Variants in KCNMA1 observed in about 807,000 individuals in gnomAD.
KCNMA1 encodes the protein potassium calcium-activated channel subfamily M alpha 1.
A neutral mutation model predicts 140.0 loss-of-function variants in KCNMA1; 29 were observed. The ratio of observed to expected loss-of-function variants is 0.21; its 90% confidence interval spans 0.15 to 0.28. The LOEUF is 0.28. Among genes scored for constraint, KCNMA1 ranks in the 10% least tolerant of loss-of-function variants. The pLI is 1.00. For synonymous variants in KCNMA1, 612 were observed against 611.9 expected, an observed-to-expected ratio of 1.00 and a Z score of 0.00; for missense variants, 880 against 1,602.2, an observed-to-expected ratio of 0.55 and a Z score of 7.70.
intron 1 of KCNMA1, among the ~76,000 whole-genome samples, chr10:77,574,016 A>G (rs2154561559): frequency 6.6e-6 from 1 of 151,892 alleles, no homozygotes; most frequent in East Asian, 1.9e-4. Flanking sequence ...TTGTATTTTT[A>G]GTAGAGACAG....
chr10:77,155,554 A>G (rs928436011), intron 5 of KCNMA1, among the ~76,000 whole-genome samples: 2 of 152,096 alleles, frequency 1.3e-5, no homozygotes, highest in Non-Finnish European at 2.9e-5. Context: ...GCCTCCCTGG[A>G]AGCACGCTCA....
In KCNMA1 at chr10:76,885,960, C is replaced by T. The variant is rs200114430; in HGVS notation, c.*1306G>A. On this transcript the variant is annotated 3_prime_UTR_variant, in exon 28 of 28. Coordinates refer to ENST00000286628, the MANE Select transcript of KCNMA1 (RefSeq NM_001161352.2). ...GCAGCTCTCTATTGCCGTCATTACC[C>T]TGCCTAAATTGGCTACATTAAAGAA... 2 of 985,324 alleles carry T rather than the reference C, an allele frequency of 2.0e-6. No individual in the cohort carries two copies. Among genetic ancestry groups the T allele is most frequent in the Non-Finnish European group, 2.4e-6 (2 of 829,944 alleles). 61.0% of individuals were successfully genotyped at this position (985,324 alleles called of 1,614,324 possible).
chr10:77,636,173 A>G (rs2093701022), intron 1 of KCNMA1: 2 of 1,415,228 alleles, frequency 1.4e-6, no homozygotes, highest in Admixed American at 5.8e-5. Context: ...GGAATTACTC[A>G]GAAAGAAGGC....
downstream of KCNMA1, among the ~76,000 whole-genome samples, chr10:76,882,587 C>T (rs374152323): frequency 7.9e-5 from 12 of 152,264 alleles, no homozygotes; most frequent in Admixed American, 3.3e-4. Context: ...AAGCAATTAC[C>T]GTTTATGAAA....
chr10:77,505,323 C>T lies in KCNMA1; in HGVS notation c.379-101300G>A, dbSNP rs138255103. Among the ~76,000 whole-genome samples the T allele has an allele frequency of 3.4e-3, 525 of 152,342 alleles. 4 individuals carry two copies. The highest frequency in any genetic ancestry group is 0.011 in the African/African-American group (475 of 41,566). On this transcript the variant is annotated intron_variant, in intron 1 of 27. Transcript: ENST00000286628. ...GGTCACTCTTCATTTATTCATCCAA[C>T]ATTGCTGAATATTTGCCCTGTGCAA...
rs533478275 is a variant in KCNMA1, at chr10:77,300,392, G to A, written c.541-49136C>T. Among the ~76,000 whole-genome samples, 34 of 152,280 alleles carry A rather than the reference G, an allele frequency of 2.2e-4. No homozygotes were observed. In the East Asian group the frequency reaches 6.0e-3, roughly 27 times the overall value. The stretch of plus-strand genomic sequence containing the variant: ...CTCAACTCCCTCCCCCATACAATGG[G>A]GAGGATGTTAGCATCTATCTCACAG... On this transcript the variant is annotated intron_variant, in intron 2 of 27. Coordinates refer to ENST00000286628, the MANE Select transcript of KCNMA1 (RefSeq NM_001161352.2).
chr10:76,960,436 G>A (rs1188774049), intron 20 of KCNMA1, among the ~76,000 whole-genome samples: 1 of 151,822 alleles, frequency 6.6e-6, no homozygotes, highest in African/African-American at 2.4e-5. Flanking sequence ...GTACTCAGGA[G>A]GCTGAGGCAC....
chr10:77,272,296 A>C (rs2065371169), intron 2 of KCNMA1, among the ~76,000 whole-genome samples: 5 of 152,182 alleles, frequency 3.3e-5, no homozygotes, highest in Admixed American at 3.3e-4. Context: ...ACAATTGTTG[A>C]ATGAATGAAT....
At chr10:77,375,908 G>A (rs1010856527) in intron 2 of KCNMA1, among the ~76,000 whole-genome samples, 6 of 152,166 alleles carry the variant, frequency 3.9e-5, no homozygotes, top group Non-Finnish European at 5.9e-5. Context: ...CCTGCATCAC[G>A]ACTCAACCTC....
intron 24 of KCNMA1, chr10:76,914,074 A>C: frequency 6.5e-7 from 1 of 1,550,348 alleles, no homozygotes; most frequent in Non-Finnish European, 8.7e-7. Context: ...AGTTATCATT[A>C]GAATGTGCGT....
chr10:77,597,442 A>G (rs1310999497), intron 1 of KCNMA1, among the ~76,000 whole-genome samples: 4 of 152,244 alleles, frequency 2.6e-5, no homozygotes, highest in Non-Finnish European at 5.9e-5. Flanking sequence ...CTTGATCATT[A>G]TACATTCCAC....
intron 1 of KCNMA1, among the ~76,000 whole-genome samples, chr10:77,518,500 TC>T (rs1279671025): frequency 6.6e-6 from 1 of 152,156 alleles, no homozygotes; most frequent in Non-Finnish European, 1.5e-5. Context: ...CTAGTATGAA[TC>T]CGTCACTTCT....
intron 2 of KCNMA1, among the ~76,000 whole-genome samples, chr10:77,257,755 G>A (rs1173885703): frequency 6.6e-6 from 1 of 152,130 alleles, no homozygotes; most frequent in African/African-American, 2.4e-5. Flanking sequence ...AGTCTCACAA[G>A]ATCAGATGGT....
At chr10:77,023,054 G>A in intron 16 of KCNMA1, 2 of 391,128 alleles carry the variant, frequency 5.1e-6, no homozygotes, top group South Asian at 1.9e-5. Context: ...AGTCCCGCAG[G>A]GAAATGCCTC....
intron 19 of KCNMA1, among the ~76,000 whole-genome samples, chr10:76,975,615 A>G (rs2077252322): frequency 6.6e-6 from 1 of 152,204 alleles, no homozygotes; most frequent in African/African-American, 2.4e-5. Flanking sequence ...CAGGCAAGCC[A>G]GGCAATGGAG....
At chr10:77,148,229 C>T (rs1213461012) in intron 5 of KCNMA1, 1 of 152,166 alleles carries the variant, frequency 6.6e-6, no homozygotes, top group Non-Finnish European at 1.5e-5. Flanking sequence ...CTGAGAAAAC[C>T]TATAAAGCCA....
chr10:77,188,811 G>A (rs952050750), intron 3 of KCNMA1, among the ~76,000 whole-genome samples: 16 of 152,208 alleles, frequency 1.1e-4, no homozygotes, highest in African/African-American at 3.4e-4. Context: ...AGAGCACAAG[G>A]CAAGTGAGGG....
intron 1 of KCNMA1, among the ~76,000 whole-genome samples, chr10:77,518,912 T>C (rs559747215): frequency 6.6e-6 from 1 of 152,312 alleles, no homozygotes; most frequent in African/African-American, 2.4e-5. Context: ...GAAGACTGTC[T>C]CCCTGCTGCC....
At chr10:77,022,832 T>A (rs1369929123) in intron 16 of KCNMA1, 1 of 288,070 alleles carries the variant, frequency 3.5e-6, no homozygotes, top group Non-Finnish European at 7.4e-6. Context: ...ATTAAAGGAG[T>A]GACCACACCT....
Sources: gnomAD v4.1 joint callset for allele counts (sites outside exome capture counted in the v4.1 genomes callset) on GRCh38, gnomAD v4.1.1 for gene constraint, MANE v1.5 for transcripts, NCBI Gene and HGNC (gene_info 2026-07-23, HGNC 2026-07-21) for gene names.